TUBD1: variants seen among roughly 807,000 people sequenced by gnomAD.
TUBD1 encodes tubulin delta chain.
A neutral mutation model predicts 51.2 loss-of-function variants in TUBD1; 38 were observed. That is an observed-to-expected ratio of 0.74 (90% CI 0.57 to 0.97). The LOEUF is 0.97. Among genes scored for constraint, TUBD1 ranks in the 50% least tolerant of loss-of-function variants. The pLI, the probability that TUBD1 is intolerant of heterozygous loss-of-function variation, is 0.00. For missense variants in TUBD1, 489 were observed against 538.4 expected (o/e 0.91, Z 0.91); for synonymous variants, 169 against 178.2 (o/e 0.95, Z 0.41).
At chr17:59,884,219 C>G (rs1040645166) in intron 3 of TUBD1, among the ~76,000 whole-genome samples, 1 of 150,444 alleles carries the variant, frequency 6.6e-6, no homozygotes, top group African/African-American at 2.4e-5. Flanking sequence ...CGAAATTGCA[C>G]CACTGCACTC....
intron 5 of TUBD1, 71 bp from the exon 6 acceptor site, chr17:59,874,774 A>G: frequency 7.5e-7 from 1 of 1,327,014 alleles, no homozygotes; most frequent in Non-Finnish European, 1.0e-6. Context: ...ATATATAACC[A>G]TGATTTGAAG....
intron 6 of TUBD1, among the ~76,000 whole-genome samples, chr17:59,869,118 T>G (rs2039858508): frequency 1.3e-5 from 2 of 152,086 alleles, no homozygotes; most frequent in South Asian, 4.2e-4. Flanking sequence ...ATATATTTAT[T>G]CATATACTAT....
At chr17:59,867,208 G>A (rs929311395) in intron 6 of TUBD1, among the ~76,000 whole-genome samples, 2 of 151,904 alleles carry the variant, frequency 1.3e-5, no homozygotes, top group Non-Finnish European at 2.9e-5. Context: ...CACCCAGGCT[G>A]GAGTGCAGTG....
At chr17:59,881,189 G>A (rs1014635460) in intron 3 of TUBD1, 79 bp from the exon 4 acceptor site, 1 of 1,232,870 alleles carries the variant, frequency 8.1e-7, no homozygotes, top group Non-Finnish European at 1.2e-6. Flanking sequence ...AAAGATACAG[G>A]ATAGAGAGGT....
At chr17:59,888,275 T>C (rs926027725) in intron 2 of TUBD1, among the ~76,000 whole-genome samples, 1 of 152,068 alleles carries the variant, frequency 6.6e-6, no homozygotes, top group Non-Finnish European at 1.5e-5. Flanking sequence ...ATGGATGTGA[T>C]AGACAGTAGA....
rs1168455964 is a variant in TUBD1, at chr17:59,859,649, T to G, written c.*673A>C. ...TGGTTCAAAGCATTCATTTCAAACA[T>G]GAATATATTAAGTACAGAATTACAA... On this transcript the variant is annotated 3_prime_UTR_variant, in exon 9 of 9. Coordinates refer to ENST00000325752, the MANE Select transcript of TUBD1 (RefSeq NM_016261.4). The G allele has an allele frequency of 1.3e-5, 2 of 152,656 alleles. No individual in the cohort carries two copies. Among genetic ancestry groups the G allele is most frequent in the East Asian group, 3.8e-4 (2 of 5,200 alleles). 9.5% of individuals were successfully genotyped at this position (152,656 alleles called of 1,614,324 possible).
intron 6 of TUBD1, among the ~76,000 whole-genome samples, chr17:59,873,723 G>A (rs2040100672): frequency 6.6e-6 from 1 of 152,072 alleles, no homozygotes; most frequent in East Asian, 1.9e-4. Flanking sequence ...AAATTAGCCA[G>A]GCATGGTAGC....
intron 6 of TUBD1, among the ~76,000 whole-genome samples, chr17:59,873,334 T>A (rs564363398): frequency 1.3e-5 from 2 of 151,604 alleles, no homozygotes; most frequent in Non-Finnish European, 2.9e-5. Context: ...ACTGCAGCCT[T>A]GACCTCCTGG....
intron 5 of TUBD1, among the ~76,000 whole-genome samples, chr17:59,876,431 T>G (rs1285697599): frequency 6.6e-6 from 1 of 151,292 alleles, no homozygotes; most frequent in Non-Finnish European, 1.5e-5. Flanking sequence ...CTCAGCTCAC[T>G]GCAACCTCTG....
At chr17:59,876,189 T>A (rs2040215963) in intron 5 of TUBD1, among the ~76,000 whole-genome samples, 1 of 151,304 alleles carries the variant, frequency 6.6e-6, no homozygotes, top group African/African-American at 2.4e-5. Context: ...AATTCTTTTT[T>A]TTTTCTTTTT....
chr17:59,860,012 AT>A lies in TUBD1; in HGVS notation c.*309del, dbSNP rs750457639. The A allele has an allele frequency of 8.5e-3, 1,064 of 125,468 alleles. 6 individuals carry two copies. The highest frequency in any genetic ancestry group is 0.05 in the East Asian group (240 of 4,844). 7.8% of individuals were successfully genotyped at this position (125,468 alleles called of 1,614,324 possible). A position where few individuals can be genotyped will look rare whatever the true frequency, so the allele number is the denominator to read the frequency against. ...TTTAACAGAATGGAACTTTGAAAACATTTTTTTTTTTTTTTTTTTTTGAGAC... is the reference window on the plus strand; with the variant it reads ...TTTAACAGAATGGAACTTTGAAAACATTTTTTTTTTTTTTTTTTTTGAGAC... On this transcript the variant is annotated 3_prime_UTR_variant, in exon 9 of 9. Transcript: ENST00000325752.
chr17:59,885,978 C>T (rs2040702441), intron 3 of TUBD1, 105 bp downstream of exon 3: 6 of 1,271,426 alleles, frequency 4.7e-6, no homozygotes, highest in Admixed American at 2.4e-5. Flanking sequence ...ACAGCAATTT[C>T]AAGATTATGT....
chr17:59,860,460 T>TA, intron 8 of TUBD1, 36 bp from the exon 9 acceptor site: 1 of 1,380,788 alleles, frequency 7.2e-7, no homozygotes. Flanking sequence ...AATTACAAAA[T>TA]AAAAAATGTC....
Position 59,866,104 on chromosome 17 carries a change from C to G in TUBD1, c.1075+505G>C, listed in dbSNP as rs977142892. On this transcript the variant is annotated intron_variant, in intron 7 of 8. Coordinates refer to ENST00000325752, the MANE Select transcript of TUBD1 (RefSeq NM_016261.4). ...CCAGCTTGGGCAACAGAGTGAGACC[C>G]CGTCTCAAAAAAAAAAAAAAAAAAA... 7.9e-5 allele frequency among the ~76,000 whole-genome samples: 10 copies of G among 127,058 alleles called. No individual in the cohort carries two copies. In the Admixed American group the frequency reaches 8.0e-4, roughly 10 times the overall value. The allele number at this position is 127,058 out of a possible 152,430, so 83.4% of individuals were successfully genotyped here.
At chr17:59,876,637 A>C (rs1040421292) in intron 5 of TUBD1, among the ~76,000 whole-genome samples, 5 of 151,682 alleles carry the variant, frequency 3.3e-5, no homozygotes, top group Non-Finnish European at 7.4e-5. Context: ...GATTACAGGC[A>C]TGAGCCACCA....
intron 6 of TUBD1, among the ~76,000 whole-genome samples, chr17:59,867,897 T>C (rs1265904566): frequency 6.6e-6 from 1 of 151,708 alleles, no homozygotes; most frequent in Admixed American, 6.6e-5. Flanking sequence ...GGCAGTATGC[T>C]CTCACACTGG....
Position 59,886,069 on chromosome 17 carries a change from G to T in TUBD1, c.320+14C>A, listed in dbSNP as rs1568326233. The T allele has an allele frequency of 1.9e-6, 3 of 1,613,044 alleles. No homozygotes were observed. The highest frequency in any genetic ancestry group is 1.7e-4 in the Middle Eastern group (1 of 6,054). On this transcript the variant is annotated intron_variant, in intron 3 of 8. Transcript: ENST00000325752. ...GCTGTCACTAAACTGAAAATCACAA[G>T]AAATTATTCTTACCCATATGCCCAG...
intron 5 of TUBD1, among the ~76,000 whole-genome samples, chr17:59,876,591 AG>A (rs1346633182): frequency 1.3e-5 from 2 of 151,988 alleles, no homozygotes; most frequent in Non-Finnish European, 2.9e-5. Flanking sequence ...TCCCAACCTC[AG>A]GTGATCTGTC....
intron 2 of TUBD1, among the ~76,000 whole-genome samples, chr17:59,887,037 T>C (rs1598575143): frequency 6.8e-6 from 1 of 147,990 alleles, no homozygotes; most frequent in Non-Finnish European, 1.5e-5. Context: ...ATACAAAAAA[T>C]TAGCTGGGCG....
Sources: gnomAD v4.1 joint callset for allele counts (sites outside exome capture counted in the v4.1 genomes callset) on GRCh38, gnomAD v4.1.1 for gene constraint, MANE v1.5 for transcripts, NCBI Gene and HGNC (gene_info 2026-07-23, HGNC 2026-07-21) for gene names.